CYP2J2: variants seen among roughly 807,000 people sequenced by gnomAD.
The protein encoded by CYP2J2 is cytochrome P450 family 2 subfamily J member 2, also known as cytochrome P450 2J2.
A neutral mutation model predicts 48.8 loss-of-function variants in CYP2J2; 41 were observed. The ratio of observed to expected loss-of-function variants is 0.84; its 90% CI spans 0.66 to 1.09. The LOEUF (loss-of-function observed/expected upper bound fraction) is 1.09, where lower values mean the gene tolerates loss of function less well. Ranked by LOEUF, CYP2J2 falls within the 50% of genes least tolerant of loss-of-function variation. The probability of loss-of-function intolerance (pLI) is 0.00; values close to 1 mark genes in which losing one functional copy is unlikely to be tolerated. For synonymous variants in CYP2J2, 221 were observed against 227.1 expected (o/e 0.97, Z 0.24); for missense variants, 644 against 617.3 (o/e 1.04, Z -0.46).
chr1:59,915,646 G>A (rs1415852860), intron 2 of CYP2J2, among the ~76,000 whole-genome samples: 2 of 152,146 alleles, frequency 1.3e-5, no homozygotes, highest in South Asian at 2.1e-4. Context: ...GAGAGAACAC[G>A]TTCCTCTGCT....
At chr1:59,920,447 G>T (rs1260723881) in intron 1 of CYP2J2, among the ~76,000 whole-genome samples, 1 of 151,996 alleles carries the variant, frequency 6.6e-6, no homozygotes, top group African/African-American at 2.4e-5. Context: ...GGAGCATATA[G>T]ATAAATAATC....
At chr1:59,894,172 T>A (rs978732274) in intron 8 of CYP2J2, among the ~76,000 whole-genome samples, 1 of 152,016 alleles carries the variant, frequency 6.6e-6, no homozygotes, top group African/African-American at 2.4e-5. Context: ...TTAACAAACG[T>A]GACAAAAAAA....
Position 59,904,989 on chromosome 1 carries a change from G to T in CYP2J2, c.1073C>A (p.Ser358Tyr). Reference protein sequence around the residue: ...GQQPSTAARESMPYTNAVIHE... With the variant: ...GQQPSTAAREYMPYTNAVIHE... ...GATGACAGCATTGGTGTAGGGCATGGACTCCCGGGCGGCTGTGCTCGGCTG... is the reference window on the plus strand; with the variant it reads ...GATGACAGCATTGGTGTAGGGCATGTACTCCCGGGCGGCTGTGCTCGGCTG... The change falls in exon 7 of 9, where the codon TCC (serine) becomes TAC (tyrosine). Residue 358 changes from serine (S) to tyrosine (Y), a missense_variant. Coordinates refer to ENST00000371204, the MANE Select transcript of CYP2J2 (RefSeq NM_000775.4). 1 of 1,613,992 alleles carries T rather than the reference G, an allele frequency of 6.2e-7. No homozygotes were observed.
At chr1:59,949,654 G>A in the CYP2J2 span, among the ~76,000 whole-genome samples, 5 of 150,778 alleles carry the variant, frequency 3.3e-5, no homozygotes, top group Non-Finnish European at 7.4e-5. Flanking sequence ...ACTAGAGGGA[G>A]CAGGTCCTAA....
At chr1:59,928,886 A>G (rs901482569), upstream of CYP2J2, among the ~76,000 whole-genome samples, 1 of 152,254 alleles carries the variant, frequency 6.6e-6, no homozygotes, top group Non-Finnish European at 1.5e-5. Flanking sequence ...CGGTCAGCAC[A>G]AGAGTTAGCT....
At chr1:59,967,829 A>T in the CYP2J2 span, among the ~76,000 whole-genome samples, 3 of 152,204 alleles carry the variant, frequency 2.0e-5, no homozygotes, top group Non-Finnish European at 4.4e-5. Flanking sequence ...TGTTTTATTT[A>T]TATTTCCTTA....
At chr1:59,945,440 A>ATCTC in the CYP2J2 span, among the ~76,000 whole-genome samples, 1 of 140,722 alleles carries the variant, frequency 7.1e-6, no homozygotes, top group Non-Finnish European at 1.6e-5. Flanking sequence ...CTATCTATCT[A>ATCTC]TCTCTCTATC....
chr1:59,939,209 T>C, the CYP2J2 span, among the ~76,000 whole-genome samples: 3 of 152,328 alleles, frequency 2.0e-5, no homozygotes, highest in Admixed American at 2.0e-4. Context: ...AGTCTTGGCT[T>C]GTTTGTATCC....
upstream of CYP2J2, among the ~76,000 whole-genome samples, chr1:59,927,807 A>G (rs539813877): frequency 6.6e-6 from 1 of 152,266 alleles, no homozygotes; most frequent in South Asian, 2.1e-4. Context: ...TCCTGACCAT[A>G]GGTGATCTGC....
At chr1:59,950,878 G>T in the CYP2J2 span, among the ~76,000 whole-genome samples, 1 of 152,166 alleles carries the variant, frequency 6.6e-6, no homozygotes, top group Non-Finnish European at 1.5e-5. Context: ...GGTCTAGCTG[G>T]AATTCTTTTC....
In CYP2J2 at chr1:59,893,544, T is replaced by C. The variant is rs555400892; in HGVS notation, c.*107A>G. 9.6e-6 allele frequency: 8 copies of C among 834,194 alleles called. No individual in the cohort carries two copies. The African/African-American group carries it at 1.2e-4, about 13-fold the overall frequency. The allele number at this position is 834,194 out of a possible 1,614,324, so 51.7% of individuals were successfully genotyped here. Reference sequence around the variant, plus strand: ...CTGAGTCAAATTCCTCTGATCTTTCTTGAAAGTCACTTTCATTTTGTCCCA... The same window carrying C: ...CTGAGTCAAATTCCTCTGATCTTTCCTGAAAGTCACTTTCATTTTGTCCCA... On this transcript the variant is annotated 3_prime_UTR_variant, in exon 9 of 9. Coordinates refer to ENST00000371204, the MANE Select transcript of CYP2J2 (RefSeq NM_000775.4).
At chr1:59,948,867 T>G in the CYP2J2 span, among the ~76,000 whole-genome samples, 1 of 152,120 alleles carries the variant, frequency 6.6e-6, no homozygotes, top group Non-Finnish European at 1.5e-5. Context: ...AAATACTGAC[T>G]TAAAGAAGAA....
At chr1:59,924,610 C>T (rs1644548068) in intron 1 of CYP2J2, among the ~76,000 whole-genome samples, 2 of 152,026 alleles carry the variant, frequency 1.3e-5, no homozygotes, top group South Asian at 4.2e-4. Flanking sequence ...TCAGCTACAT[C>T]TGCATATCGT....
At chr1:59,957,744 A>C in the CYP2J2 span, among the ~76,000 whole-genome samples, 1 of 151,894 alleles carries the variant, frequency 6.6e-6, no homozygotes, top group Admixed American at 6.6e-5. Context: ...TCATTTCCAG[A>C]CTGAAAAGGC....
At chr1:59,952,404 G>A in the CYP2J2 span, among the ~76,000 whole-genome samples, 3 of 151,648 alleles carry the variant, frequency 2.0e-5, no homozygotes, top group African/African-American at 7.3e-5. Context: ...ATCATCAGCT[G>A]GTGCTTAGCA....
chr1:59,916,977 T>C (rs1413530785), intron 1 of CYP2J2, among the ~76,000 whole-genome samples: 1 of 152,076 alleles, frequency 6.6e-6, no homozygotes, highest in Non-Finnish European at 1.5e-5. Flanking sequence ...TAGAAACGTA[T>C]GCTAGATAAT....
chr1:59,940,429 C>T, the CYP2J2 span, among the ~76,000 whole-genome samples: 3 of 152,172 alleles, frequency 2.0e-5, no homozygotes, highest in South Asian at 6.2e-4. Context: ...TACTGTCTTG[C>T]ATCTTGGATA....
chr1:59,920,018 G>T (rs929441412), intron 1 of CYP2J2, among the ~76,000 whole-genome samples: 50 of 152,190 alleles, frequency 3.3e-4, no homozygotes, highest in Admixed American at 3.0e-3. Context: ...AAAATGGAAT[G>T]CACAGCAGAT....
At chr1:59,920,325 T>C (rs556372470) in intron 1 of CYP2J2, among the ~76,000 whole-genome samples, 1 of 151,554 alleles carries the variant, frequency 6.6e-6, no homozygotes, top group Non-Finnish European at 1.5e-5. Context: ...AGCTACCTTG[T>C]CTGACTGAAG....
Sources: allele counts gnomAD v4.1 joint callset (sites outside exome capture counted in the v4.1 genomes callset), GRCh38; gene constraint gnomAD v4.1.1; transcripts MANE v1.5; gene names NCBI Gene and HGNC (gene_info 2026-07-23, HGNC 2026-07-21).